PKD1L3: variants seen among roughly 807,000 people sequenced by gnomAD.
PKD1L3 encodes polycystin-1-like protein 3.
PKD1L3 carries 239 observed loss-of-function variants against 184.1 expected under a neutral mutation model. The ratio of observed to expected loss-of-function variants is 1.30; its 90% CI spans 1.17 to 1.45. The LOEUF is 1.45. Among genes scored for constraint, PKD1L3 ranks in the 40% most tolerant of loss-of-function variants. The probability of loss-of-function intolerance (pLI) is 0.00; values close to 1 mark genes in which losing one functional copy is unlikely to be tolerated. For synonymous variants in PKD1L3, 996 were observed against 778.8 expected (o/e 1.28, Z -4.64); for missense variants, 2,660 against 2,067.2 (o/e 1.29, Z -5.56).
chr16:71,978,289 A>C lies in PKD1L3; in HGVS notation c.1493T>G (p.Leu498Trp), dbSNP rs1314939021. 3 of 1,550,370 alleles carry C rather than the reference A, an allele frequency of 1.9e-6. No individual in the cohort carries two copies. Among genetic ancestry groups the C allele is most frequent in the Non-Finnish European group, 2.6e-6 (3 of 1,146,260 alleles). The change falls in exon 10 of 30, where the codon TTG (leucine) becomes TGG (tryptophan). Residue 498 changes from leucine (L) to tryptophan (W), a missense_variant. Transcript: ENST00000620267. ...GSVLLSANRK[L>W]LQVHDLMEDI... Reference sequence around the variant, plus strand: ...CTCCATTAAATCATGGACTTGGAGCAATTTACGATTAGCGCTTAGTAACAC... The same window carrying C: ...CTCCATTAAATCATGGACTTGGAGCCATTTACGATTAGCGCTTAGTAACAC...
rs867378515 is a variant in PKD1L3 at position 71,980,056 on chromosome 16, C to T, written c.1222G>A (p.Glu408Lys). ...EAFLEQNQSP[E>K]SSVTLTSANA... is the part of the protein sequence containing the mutation. ...GCAGAGGTCAAAGTCACTGAAGACT[C>T]GGGAGACTGGTTCTGCTCTAGAAAT... Residue 408 changes from glutamate (E) to lysine (K), a missense_variant, in exon 8 of 30, where the codon GAG (glutamate) becomes AAG (lysine). Coordinates refer to ENST00000620267, the MANE Select transcript of PKD1L3 (RefSeq NM_181536.2). The T allele has an allele frequency of 1.2e-5, 18 of 1,551,828 alleles. No individual in the cohort carries two copies. The East Asian group carries it at 2.2e-4, about 19-fold the overall frequency.
rs2040859414 is a variant in PKD1L3, at chr16:71,998,291, G to C, written c.399C>G (p.Tyr133Ter). 2 of 1,552,082 alleles carry C rather than the reference G, an allele frequency of 1.3e-6. No individual in the cohort carries two copies. Among genetic ancestry groups the C allele is most frequent in the Non-Finnish European group, 1.7e-6 (2 of 1,147,078 alleles). The change falls in exon 2 of 30, where the codon TAC becomes TAG. Residue 133 changes from tyrosine (Y) to a stop codon, truncating the protein, a stop_gained. Coordinates refer to ENST00000620267, the MANE Select transcript of PKD1L3 (RefSeq NM_181536.2). LOFTEE classifies it high-confidence loss of function. The part of the protein sequence containing the change: ...SSKGDKCLLK[Y>*]YFICQTGDFL... ...ACTTACCAGTCTGGCAAATGAAATAGTATTTCAGTAAGCACTTGTCCCCTT... is the reference window on the plus strand; with the variant it reads ...ACTTACCAGTCTGGCAAATGAAATACTATTTCAGTAAGCACTTGTCCCCTT...
intron 24 of PKD1L3, among the ~76,000 whole-genome samples, chr16:71,939,175 C>T (rs776210168): frequency 1.2e-4 from 19 of 152,244 alleles, no homozygotes; most frequent in African/African-American, 3.6e-4. Context: ...TTCAGGGAGC[C>T]GGCACCTGTG....
chr16:71,961,067 A>AT (rs879297705), intron 16 of PKD1L3, among the ~76,000 whole-genome samples: 110 of 149,810 alleles, frequency 7.3e-4, no homozygotes, highest in African/African-American at 1.9e-3. Flanking sequence ...ACAGGATCTC[A>AT]TTTTTTTTTT....
At chr16:71,938,721 A>G (rs1369997486) in intron 24 of PKD1L3, among the ~76,000 whole-genome samples, 1 of 152,128 alleles carries the variant, frequency 6.6e-6, no homozygotes, top group African/African-American at 2.4e-5. Context: ...CCCACTCCAG[A>G]TCTCTCTGCT....
chr16:71,979,771 C>A lies in PKD1L3; in HGVS notation c.1398+15G>T, dbSNP rs1490934961. ...ATCCCATTTTCATTCTGATCACAAT[C>A]AATTTCACACTCACTTGGACATTAA... On this transcript the variant is annotated intron_variant, in intron 9 of 29. Transcript: ENST00000620267. The A allele has an allele frequency of 6.7e-7, 1 of 1,481,904 alleles. No homozygotes were observed. The highest frequency in any genetic ancestry group is 1.4e-5 in the South Asian group (1 of 71,408). 91.8% of individuals were successfully genotyped at this position (1,481,904 alleles called of 1,614,324 possible). A position where few individuals can be genotyped will look rare whatever the true frequency, so the allele number is the denominator to read the frequency against.
rs1271784138 is a variant in PKD1L3 at position 71,941,436 on chromosome 16, G to C, written c.4324+1124C>G. 2.0e-5 allele frequency among the ~76,000 whole-genome samples: 3 copies of C among 151,766 alleles called. No individual in the cohort carries two copies. The East Asian group carries it at 5.8e-4, about 29-fold the overall frequency. On this transcript the variant is annotated intron_variant, in intron 24 of 29. Coordinates refer to ENST00000620267, the MANE Select transcript of PKD1L3 (RefSeq NM_181536.2). ...CAGAAGCAAAAATATAAGAAAATCA[G>C]AACTCCAGGAGTTACAATGTCAAAA...
rs140634557 is a variant in PKD1L3, at chr16:71,987,833, GGA to G, written c.586-1366_586-1365del. Among the ~76,000 whole-genome samples the G allele has an allele frequency of 7.1e-3, 1,087 of 152,136 alleles. 15 individuals carry two copies. Among genetic ancestry groups the G allele is most frequent in the African/African-American group, 0.024 (1,004 of 41,494 alleles). On this transcript the variant is annotated intron_variant, in intron 4 of 29. Coordinates refer to ENST00000620267, the MANE Select transcript of PKD1L3 (RefSeq NM_181536.2). ...GACATTTTTGCTGAGTTGAATACAG[GGA>G]GAGAGAGAGCTCTGCCCATAGGTTA...
intron 16 of PKD1L3, among the ~76,000 whole-genome samples, chr16:71,961,953 T>C (rs531506226): frequency 6.6e-6 from 1 of 152,218 alleles, no homozygotes; most frequent in Non-Finnish European, 1.5e-5. Context: ...TGGTGTTTGG[T>C]TGATAGAGCC....
rs1325643852 is a variant in PKD1L3 at position 71,970,024 on chromosome 16, G to A, written c.2035C>T (p.Pro679Ser). Residue 679 changes from proline to serine, a missense_variant, in exon 13 of 30, where the codon CCC (proline) becomes TCC (serine). Pro to Ser is a moderately conservative substitution (Grantham distance 74, BLOSUM62 -1). Coordinates refer to ENST00000620267, the MANE Select transcript of PKD1L3 (RefSeq NM_181536.2). Reference protein sequence around the residue: ...TFFASDFFVVPRTVNVEDTIK... With the variant: ...TFFASDFFVVSRTVNVEDTIK... ...GTGTCTTCAACATTCACGGTCCTGG[G>A]CACGACAAAGAAGTCGCTGGCAAAG... is the stretch of plus-strand genomic sequence containing the variant. 19 of 1,551,548 alleles carry A rather than the reference G, an allele frequency of 1.2e-5. No homozygotes were observed. Among genetic ancestry groups the A allele is most frequent in the Non-Finnish European group, 1.7e-5 (19 of 1,147,018 alleles).
chr16:71,996,729 C>T (rs1052118022), intron 2 of PKD1L3, among the ~76,000 whole-genome samples: 1 of 152,128 alleles, frequency 6.6e-6, no homozygotes, highest in African/African-American at 2.4e-5. Context: ...GTTCACTTGG[C>T]ACAATTCTCT....
At chr16:71,972,143 G>T (rs1352793838) in intron 12 of PKD1L3, among the ~76,000 whole-genome samples, 1 of 151,992 alleles carries the variant, frequency 6.6e-6, no homozygotes, top group African/African-American at 2.4e-5. Context: ...ATGAACCTGG[G>T]AGGCAGAGTT....
At position 71,949,885 on chromosome 16, in the gene PKD1L3, T is replaced by C. The variant is rs2038761853; in HGVS notation, c.3516A>G (p.Thr1172=). The change falls in exon 21 of 30, where the codon ACA becomes ACG. Residue 1172 remains threonine (T), a synonymous_variant. Transcript: ENST00000620267. ...GFTSLASAFF[T]ALYSLELSKD... is the part of the protein sequence containing the mutation. The stretch of plus-strand genomic sequence containing the variant: ...TGCTCAATTCCAAGCTATAAAGTGC[T>C]GTAAAAAAGGCTGAAGCCAGGCTAG... 6.4e-7 allele frequency: 1 copy of C among 1,551,666 alleles called. No individual in the cohort carries two copies. Among genetic ancestry groups the C allele is most frequent in the South Asian group, 1.2e-5 (1 of 84,064 alleles).
chr16:71,978,123 C>T, intron 10 of PKD1L3, 132 bp downstream of exon 10: 1 of 1,129,222 alleles, frequency 8.9e-7, no homozygotes, highest in Non-Finnish European at 1.2e-6. Context: ...GTAAAAGTTC[C>T]TAAGATGTTA....
chr16:71,993,421 AAT>A, intron 2 of PKD1L3, 89 bp from the exon 3 acceptor site: 1 of 442,566 alleles, frequency 2.3e-6, no homozygotes, highest in Non-Finnish European at 3.5e-6. Context: ...CGTATGTGAT[AAT>A]CAGGAAAACA....
chr16:71,989,150 T>G (rs1422534709), intron 4 of PKD1L3, among the ~76,000 whole-genome samples: 1 of 152,054 alleles, frequency 6.6e-6, no homozygotes, highest in Non-Finnish European at 1.5e-5. Context: ...ATACTGAGGG[T>G]TTTTTTGTTT....
At chr16:71,965,856 T>C (rs2039484131) in intron 15 of PKD1L3, among the ~76,000 whole-genome samples, 1 of 152,100 alleles carries the variant, frequency 6.6e-6, no homozygotes, top group African/African-American at 2.4e-5. Context: ...GCCTGGCCTT[T>C]TGTGAGAGTT....
chr16:71,946,485 C>G (rs1044111293), intron 22 of PKD1L3, among the ~76,000 whole-genome samples: 1 of 152,006 alleles, frequency 6.6e-6, no homozygotes, highest in Non-Finnish European at 1.5e-5. Flanking sequence ...TTTCTGCAAC[C>G]TCTTGTTTTG....
intron 21 of PKD1L3, 30 bp from the exon 22 acceptor site, chr16:71,947,621 G>T: frequency 7.1e-7 from 1 of 1,410,486 alleles, no homozygotes. Context: ...AACATCGTGA[G>T]CAGACATTAC....
Sources: gnomAD v4.1 joint callset for allele counts (sites outside exome capture counted in the v4.1 genomes callset) on GRCh38, gnomAD v4.1.1 for gene constraint, MANE v1.5 for transcripts, NCBI Gene and HGNC (gene_info 2026-07-23, HGNC 2026-07-21) for gene names.